LOXHD1: variants seen among roughly 807,000 people sequenced by gnomAD.
The protein encoded by LOXHD1 is lipoxygenase homology PLAT domains 1.
Under a neutral mutation model 248.2 loss-of-function variants are expected in LOXHD1, and 205 were observed. That is an observed-to-expected ratio of 0.83 (90% CI 0.74 to 0.93). The LOEUF is 0.93. LOXHD1 is among the 40% of genes least tolerant of loss of function. The pLI, the probability that LOXHD1 is intolerant of heterozygous loss-of-function variation, is 0.00. For missense variants in LOXHD1, 2,930 were observed against 2,971.6 expected (o/e 0.99, Z 0.33); for synonymous variants, 1,113 against 1,162.8 (o/e 0.96, Z 0.87).
intron 21 of LOXHD1, among the ~76,000 whole-genome samples, chr18:46,550,299 C>T (rs1248965382): frequency 2.0e-5 from 3 of 151,512 alleles, no homozygotes; most frequent in Non-Finnish European, 2.9e-5. Flanking sequence ...GTGGGCCGGG[C>T]ACGGTGGCTC....
intron 4 of LOXHD1, among the ~76,000 whole-genome samples, chr18:46,618,611 A>G (rs1016849925): frequency 2.6e-5 from 4 of 152,206 alleles, no homozygotes; most frequent in African/African-American, 9.6e-5. Flanking sequence ...TTATCTGCTA[A>G]CATGTTGCCT....
At chr18:46,546,524 A>G (rs1598969868) in intron 22 of LOXHD1, among the ~76,000 whole-genome samples, 1 of 150,992 alleles carries the variant, frequency 6.6e-6, no homozygotes, top group Admixed American at 6.6e-5. Context: ...ATTCCACTCT[A>G]CTCCATTCCA....
intron 7 of LOXHD1, among the ~76,000 whole-genome samples, chr18:46,602,593 C>A (rs2038356250): frequency 6.6e-6 from 1 of 152,012 alleles, no homozygotes. Context: ...CCTACCATAC[C>A]CCACACTCTT....
intron 13 of LOXHD1, among the ~76,000 whole-genome samples, chr18:46,578,673 C>A (rs1243865916): frequency 6.6e-6 from 1 of 152,202 alleles, no homozygotes; most frequent in African/African-American, 2.4e-5. Context: ...GAAGTCGTGG[C>A]AGAGGAAGGA....
At chr18:46,492,089 A>G (rs112775021) in intron 37 of LOXHD1, among the ~76,000 whole-genome samples, 92 of 150,348 alleles carry the variant, frequency 6.1e-4, no homozygotes, top group African/African-American at 2.1e-3. Context: ...CCCACTAAGA[A>G]TCTATGAAAC....
chr18:46,586,903 C>G (rs990178519), intron 12 of LOXHD1, among the ~76,000 whole-genome samples: 1 of 152,128 alleles, frequency 6.6e-6, no homozygotes, highest in Non-Finnish European at 1.5e-5. Flanking sequence ...GATATGCAGA[C>G]AGCTGAAAAA....
chr18:46,656,966 A>C lies in LOXHD1; in HGVS notation c.68T>G (p.Leu23Arg). 6.4e-7 allele frequency: 1 copy of C among 1,551,572 alleles called. No homozygotes were observed. The highest frequency in any genetic ancestry group is 8.7e-7 in the Non-Finnish European group (1 of 1,146,932). The stretch of plus-strand genomic sequence containing the variant: ...GTCGTCCTCCGAGGCGTAGTTCAGC[A>C]GCTCCGCTTCGTACAGGGCCAGGAA... ...IDFLALYEAELLNYASEDDEG... is the reference protein window; with the variant it reads ...IDFLALYEAERLNYASEDDEG... Residue 23 changes from leucine (L) to arginine (R), a missense_variant, in exon 1 of 41, where the codon CTG becomes CGG. Transcript: ENST00000642948.
intron 14 of LOXHD1, 114 bp downstream of exon 14, chr18:46,577,593 A>G (rs1418036751): frequency 1.3e-5 from 16 of 1,240,232 alleles, no homozygotes; most frequent in Non-Finnish European, 1.1e-6. Context: ...TGCACCAGCT[A>G]TAGCCTTAAG....
In LOXHD1 at chr18:46,598,551, G is replaced by GA. The variant is rs1402058808; in HGVS notation, c.1134+2665dup. On this transcript the variant is annotated intron_variant, in intron 8 of 40. Coordinates refer to ENST00000642948, the MANE Select transcript of LOXHD1 (RefSeq NM_001384474.1). The stretch of plus-strand genomic sequence containing the variant: ...ATCATTTACAATTTGACTTCCTACA[G>GA]AAAAAAAACAAAGAATTATTGAGAC... 1.9e-4 allele frequency among the ~76,000 whole-genome samples: 28 copies of GA among 149,804 alleles called. No individual in the cohort carries two copies. The East Asian group carries it at 4.3e-3, about 23-fold the overall frequency.
In LOXHD1 at chr18:46,574,452, C is replaced by T. The variant is rs114354171; in HGVS notation, c.1971-2290G>A. ...CTAGCAGAAATTCTGATAAATAGAC[C>T]TGGTTTGTCCTCCTCTCCAACAGAG... On this transcript the variant is annotated intron_variant, in intron 14 of 40. Coordinates refer to ENST00000642948, the MANE Select transcript of LOXHD1 (RefSeq NM_001384474.1). 8.4e-3 allele frequency among the ~76,000 whole-genome samples: 1,088 copies of T among 128,784 alleles called. 18 individuals carry two copies. Among genetic ancestry groups the T allele is most frequent in the African/African-American group, 0.032 (1,016 of 31,954 alleles). 84.5% of individuals were successfully genotyped at this position (128,784 alleles called of 152,430 possible).
In LOXHD1 at chr18:46,524,729, G is replaced by A. The variant is rs1407446545; in HGVS notation, c.4719C>T (p.Leu1573=). The change falls in exon 30 of 41, where the codon CTC becomes CTT. Residue 1573 remains leucine (L), a synonymous_variant. Coordinates refer to ENST00000642948, the MANE Select transcript of LOXHD1 (RefSeq NM_001384474.1). ...TCACCTTCTCGTAAAAGAGCCTCTC[G>A]AGTCGCCCATCCTCCTTCTTCAGGG... is the stretch of plus-strand genomic sequence containing the variant. ...WLSLKKEDGR[L]ERLFYEKEYT... 13 of 1,551,716 alleles carry A rather than the reference G, an allele frequency of 8.4e-6. 1 individual carries two copies. Among genetic ancestry groups the A allele is most frequent in the Admixed American group, 3.9e-5 (2 of 51,000 alleles).
At position 46,639,606 on chromosome 18, in the gene LOXHD1, A is replaced by C; in HGVS notation, c.511+10T>G. ...GGAGGGATGGCAGGCAGGCCAGCCT[A>C]GGCACTGACCTCTGGGCATGTCCAT... On this transcript the variant is annotated intron_variant, in intron 4 of 40. Coordinates refer to ENST00000642948, the MANE Select transcript of LOXHD1 (RefSeq NM_001384474.1). 6.5e-7 allele frequency: 1 copy of C among 1,548,876 alleles called. No individual in the cohort carries two copies. The highest frequency in any genetic ancestry group is 8.7e-7 in the Non-Finnish European group (1 of 1,145,130).
At chr18:46,588,844 G>A (rs1467281756) in intron 12 of LOXHD1, among the ~76,000 whole-genome samples, 1 of 152,194 alleles carries the variant, frequency 6.6e-6, no homozygotes, top group Non-Finnish European at 1.5e-5. Flanking sequence ...GCCCCTGACA[G>A]ACCAGGAAAA....
intron 2 of LOXHD1, among the ~76,000 whole-genome samples, chr18:46,643,394 A>G (rs999844895): frequency 1.6e-4 from 25 of 152,338 alleles, no homozygotes; most frequent in Admixed American, 1.2e-3. Flanking sequence ...ATAAAGACAG[A>G]GAATGTCGAC....
intron 33 of LOXHD1, among the ~76,000 whole-genome samples, chr18:46,519,629 T>C (rs1023249509): frequency 6.6e-6 from 1 of 152,164 alleles, no homozygotes; most frequent in African/African-American, 2.4e-5. Context: ...AGCCTGACAC[T>C]TTTTTGCTCT....
In LOXHD1 at chr18:46,627,389, G is replaced by GGAAGCCATT. The variant is rs370321841; in HGVS notation, c.512-9108_512-9100dup. Among the ~76,000 whole-genome samples the GGAAGCCATT allele has an allele frequency of 4.9e-3, 747 of 152,256 alleles. 3 individuals are homozygous for GGAAGCCATT. Among genetic ancestry groups the GGAAGCCATT allele is most frequent in the Middle Eastern group, 0.02 (6 of 294 alleles). ...TGTGGCTAAAGGGAGGGTTCCAGCA[G>GGAAGCCATT]GAAGCCATTGGTGCTGCAATGGAAT... On this transcript the variant is annotated intron_variant, in intron 4 of 40. Coordinates refer to ENST00000642948, the MANE Select transcript of LOXHD1 (RefSeq NM_001384474.1).
chr18:46,611,001 C>A (rs1269852906), intron 5 of LOXHD1, 77 bp from the exon 6 acceptor site: 3 of 1,501,270 alleles, frequency 2.0e-6, no homozygotes, highest in Non-Finnish European at 8.9e-7. Flanking sequence ...GGTCCGCCCA[C>A]TGAAAGATGC....
In LOXHD1 at chr18:46,538,266, T is replaced by C. The variant is rs1279685841; in HGVS notation, c.3985A>G (p.Ile1329Val). 1 of 1,551,524 alleles carries C rather than the reference T, an allele frequency of 6.4e-7. No homozygotes were observed. The highest frequency in any genetic ancestry group is 1.2e-5 in the South Asian group (1 of 84,054). Reference sequence around the variant, plus strand: ...CACACGGCATCGCAGCCATAGATGATGATGAAGATGTTGGCATCTGTCCCA... The same window carrying C: ...CACACGGCATCGCAGCCATAGATGACGATGAAGATGTTGGCATCTGTCCCA... Reference protein sequence around the residue: ...AAGTDANIFIIIYGCDAVCTQ... With the variant: ...AAGTDANIFIVIYGCDAVCTQ... Residue 1329 changes from isoleucine to valine, a missense_variant, in exon 26 of 41, where the codon ATC (isoleucine) becomes GTC (valine). By Grantham distance (29) the Ile-to-Val change is conservative (BLOSUM62 3). Transcript: ENST00000642948.
chr18:46,478,038 C>A, intron 40 of LOXHD1, 86 bp from the exon 41 acceptor site: 1 of 1,461,262 alleles, frequency 6.8e-7, no homozygotes, highest in Non-Finnish European at 9.1e-7. Flanking sequence ...CCTTGCTCAT[C>A]TATAAATGAT....
Sources: allele counts gnomAD v4.1 joint callset (sites outside exome capture counted in the v4.1 genomes callset), GRCh38; gene constraint gnomAD v4.1.1; transcripts MANE v1.5; gene names NCBI Gene and HGNC (gene_info 2026-07-23, HGNC 2026-07-21).